GART: variants seen among roughly 807,000 people sequenced by gnomAD.
The protein encoded by GART is trifunctional purine biosynthetic protein adenosine-3.
Under a neutral mutation model 107.2 loss-of-function variants are expected in GART, and 43 were observed. The ratio of observed to expected loss-of-function variants is 0.40; its 90% CI spans 0.31 to 0.52. The LOEUF (loss-of-function observed/expected upper bound fraction) is 0.52, where lower values mean the gene tolerates loss of function less well. GART is among the 20% of genes least tolerant of loss of function. The probability of loss-of-function intolerance (pLI) is 0.52; values close to 1 mark genes in which losing one functional copy is unlikely to be tolerated. For synonymous variants in GART, 434 were observed against 427.0 expected, an observed-to-expected ratio of 1.02 and a Z score of -0.20; for missense variants, 1,107 against 1,206.5, an observed-to-expected ratio of 0.92 and a Z score of 1.22.
In GART at chr21:33,504,479, G is replaced by C. The variant is rs1414684413; in HGVS notation, c.2774C>G (p.Ser925Ter). 1 of 1,613,940 alleles carries C rather than the reference G, an allele frequency of 6.2e-7. No homozygotes were observed. The highest frequency in any genetic ancestry group is 1.3e-5 in the African/African-American group (1 of 74,892). Residue 925 changes from serine (S) to a stop codon, truncating the protein, a stop_gained, in exon 21 of 22, where the codon TCA becomes TGA. Transcript: ENST00000381815. LOFTEE classifies it high-confidence loss of function. The part of the protein sequence containing the change: ...HPSLLPSFKG[S>*]NAHEQALETG... ...TTCCAGGGCTTGCTCATGGGCATTT[G>C]AACCCTTAAAAGAAGGGAGCAAGGA...
chr21:33,513,683 G>T (rs1295655999), intron 16 of GART, among the ~76,000 whole-genome samples: 1 of 152,194 alleles, frequency 6.6e-6, no homozygotes, highest in African/African-American at 2.4e-5. Flanking sequence ...CTCAGATTTA[G>T]TAACTACATT....
rs765351935 is a variant in GART at position 33,520,988 on chromosome 21, G to C, written c.1421C>G (p.Ala474Gly). ...SGCKVDLGGF[A>G]GLFDLKAAGF... is the part of the protein sequence containing the mutation. ...AGCTGCTTTTAAATCAAAAAGACCA[G>C]CAAAACCTCCAAGATCAACTTTACA... is the stretch of plus-strand genomic sequence containing the variant. Residue 474 changes from alanine to glycine, a missense_variant, in exon 13 of 22, where the codon GCT (alanine) becomes GGT (glycine). Ala to Gly is a moderately conservative substitution (Grantham distance 60). Transcript: ENST00000381815. 2 of 1,613,754 alleles carry C rather than the reference G, an allele frequency of 1.2e-6. No homozygotes were observed. The highest frequency in any genetic ancestry group is 2.7e-5 in the African/African-American group (2 of 74,882).
intron 10 of GART, among the ~76,000 whole-genome samples, chr21:33,526,994 G>A (rs956465502): frequency 1.3e-5 from 2 of 152,266 alleles, no homozygotes; most frequent in African/African-American, 4.8e-5. Context: ...TACTCTGCCT[G>A]CCAGTACTGG....
At chr21:33,533,363 T>C (rs973164707) in intron 4 of GART, among the ~76,000 whole-genome samples, 5 of 148,918 alleles carry the variant, frequency 3.4e-5, no homozygotes, top group Admixed American at 1.3e-4. Flanking sequence ...GGCATGAACC[T>C]GGGAGGCGGA....
chr21:33,536,565 T>G (rs919298338), intron 2 of GART, among the ~76,000 whole-genome samples: 1 of 152,256 alleles, frequency 6.6e-6, no homozygotes, highest in African/African-American at 2.4e-5. Context: ...GTATGTTTTT[T>G]CCTATACATA....
chr21:33,539,059 C>A lies in GART; in HGVS notation c.145+112G>T, dbSNP rs2085357038. Reference sequence around the variant, plus strand: ...CCTCCCAAAGTGCTGGGATTACAGGCATTAGCCACTGTGCCCAGCCTATCT... The same window carrying A: ...CCTCCCAAAGTGCTGGGATTACAGGAATTAGCCACTGTGCCCAGCCTATCT... On this transcript the variant is annotated intron_variant, in intron 2 of 21. Transcript: ENST00000381815. 12 of 1,000,940 alleles carry A rather than the reference C, an allele frequency of 1.2e-5. No homozygotes were observed. In the South Asian group the frequency reaches 1.8e-4, roughly 15 times the overall value. The allele number at this position is 1,000,940 out of a possible 1,614,324, so 62.0% of individuals were successfully genotyped here.
intron 2 of GART, among the ~76,000 whole-genome samples, chr21:33,537,320 T>C (rs1333332943): frequency 6.6e-6 from 1 of 152,234 alleles, no homozygotes. Context: ...CTTTTGGTCT[T>C]ATATACATGC....
At chr21:33,519,144 T>TCA (rs997059508) in intron 14 of GART, 1 of 271,746 alleles carries the variant, frequency 3.7e-6, no homozygotes, top group African/African-American at 2.2e-5. Context: ...TGGAAAAGGG[T>TCA]CATGTGGAGG....
intron 17 of GART, chr21:33,510,188 G>A (rs779138144): frequency 3.2e-6 from 1 of 316,516 alleles, no homozygotes. Flanking sequence ...ATGACTGCCT[G>A]CCAGTATTCT....
intron 6 of GART, 75 bp from the exon 7 acceptor site, chr21:33,530,959 T>C: frequency 1.5e-6 from 2 of 1,371,956 alleles, no homozygotes; most frequent in Non-Finnish European, 1.9e-6. Context: ...AGGCAAACTA[T>C]ATGTCCCTTA....
rs1490975880 is a variant in GART, at chr21:33,539,297, T to C, written c.19A>G (p.Ile7Val). The change falls in exon 2 of 22, where the codon ATA becomes GTA. Residue 7 changes from isoleucine to valine, a missense_variant. Transcript: ENST00000381815. Reference sequence around the variant, plus strand: ...TGTTCCCTTCCTCCACTGCCAATTATAAGTACTCGGGCTGCCATTGTTCTG... The same window carrying C: ...TGTTCCCTTCCTCCACTGCCAATTACAAGTACTCGGGCTGCCATTGTTCTG... MAARVL[I>V]IGSGGREHTL... 1.2e-6 allele frequency: 2 copies of C among 1,613,770 alleles called. No individual in the cohort carries two copies. The highest frequency in any genetic ancestry group is 2.7e-5 in the African/African-American group (2 of 74,890).
chr21:33,511,193 G>C (rs997094394), intron 17 of GART, 59 bp downstream of exon 17: 1 of 1,562,068 alleles, frequency 6.4e-7, no homozygotes, highest in Non-Finnish European at 8.8e-7. Context: ...CAAGGCTGAG[G>C]TATAGCTAAA....
At chr21:33,518,873 T>A in intron 14 of GART, 1 of 536,992 alleles carries the variant, frequency 1.9e-6, no homozygotes, top group Non-Finnish European at 3.7e-6. Context: ...AGCTGCGTTG[T>A]CTCAGCATGG....
rs1384682350 is a variant in GART at position 33,533,464 on chromosome 21, TAA to T, written c.417-1010_417-1009del. 1.7e-3 allele frequency among the ~76,000 whole-genome samples: 247 copies of T among 146,882 alleles called. 2 individuals carry two copies. The highest frequency in any genetic ancestry group is 5.9e-3 in the African/African-American group (237 of 40,078). On this transcript the variant is annotated intron_variant, in intron 4 of 21. Transcript: ENST00000381815. ...AAAAAAAAAAAAATAAATAAATAAA[TAA>T]AAATAAAAATAAATAAATAAATAAA...
chr21:33,530,929 C>T (rs995342230), intron 6 of GART, 45 bp from the exon 7 acceptor site: 1 of 1,466,386 alleles, frequency 6.8e-7, no homozygotes, highest in African/African-American at 1.5e-5. Flanking sequence ...CTGTCAAAAA[C>T]TAAAAAAAAA....
intron 2 of GART, among the ~76,000 whole-genome samples, 200 bp downstream of exon 2, chr21:33,538,971 G>A (rs1002438585): frequency 1.3e-5 from 2 of 152,014 alleles, no homozygotes; most frequent in African/African-American, 2.4e-5. Flanking sequence ...TAGTAAAGAC[G>A]GGGTTTCACC....
rs764408595 is a variant in GART, at chr21:33,531,537, A to G, written c.549T>C (p.Ala183=). The stretch of plus-strand genomic sequence containing the variant: ...GTTCTTCAATGACAATTGTTTCTCC[A>G]GCTGCCCCAAAGGCTTTCTCCTGAT... The part of the protein sequence containing the change: ...EIMQEKAFGA[A]GETIVIEELL... Residue 183 remains alanine, a synonymous_variant, in exon 6 of 22, where the codon GCT becomes GCC. Coordinates refer to ENST00000381815, the MANE Select transcript of GART (RefSeq NM_000819.5). 6.2e-7 allele frequency: 1 copy of G among 1,611,050 alleles called. No individual in the cohort carries two copies. The highest frequency in any genetic ancestry group is 1.7e-5 in the Admixed American group (1 of 59,816).
chr21:33,537,251 T>C (rs948701192), intron 2 of GART, among the ~76,000 whole-genome samples: 1 of 152,190 alleles, frequency 6.6e-6, no homozygotes, highest in Non-Finnish European at 1.5e-5. Flanking sequence ...AATAAACAAA[T>C]ATCTCACCCG....
chr21:33,539,081 A>ATCTT, intron 2 of GART, 90 bp downstream of exon 2: 1 of 1,291,702 alleles, frequency 7.7e-7, no homozygotes, highest in Non-Finnish European at 1.1e-6. Context: ...TGCCCAGCCT[A>ATCTT]TCTTTATTAA....
Sources: gnomAD v4.1 joint callset for allele counts (sites outside exome capture counted in the v4.1 genomes callset) on GRCh38, gnomAD v4.1.1 for gene constraint, MANE v1.5 for transcripts, NCBI Gene and HGNC (gene_info 2026-07-23, HGNC 2026-07-21) for gene names.